Variants in MSR1 observed in about 807,000 individuals in gnomAD.
The protein encoded by MSR1 is macrophage scavenger receptor types I and II.
In MSR1, 53 loss-of-function variants were observed where a neutral mutation model predicts 47.2. The ratio of observed to expected loss-of-function variants is 1.12; its 90% CI spans 0.90 to 1.41. MSR1 has a LOEUF of 1.41. Among genes scored for constraint, MSR1 ranks in the 40% most tolerant of loss-of-function variants. The pLI, the probability that MSR1 is intolerant of heterozygous loss-of-function variation, is 0.00. For missense variants in MSR1, 786 were observed against 546.9 expected (o/e 1.44, Z -4.36); for synonymous variants, 239 against 185.6 (o/e 1.29, Z -2.34).
intron 5 of MSR1, among the ~76,000 whole-genome samples, chr8:16,160,501 C>A (rs1801131416): frequency 6.6e-6 from 1 of 151,936 alleles, no homozygotes; most frequent in South Asian, 2.1e-4. Context: ...GAAGACTTAA[C>A]CTCACAGAGC....
At chr8:16,159,296 T>G (rs1801097919) in intron 5 of MSR1, among the ~76,000 whole-genome samples, 1 of 151,932 alleles carries the variant, frequency 6.6e-6, no homozygotes, top group African/African-American at 2.4e-5. Context: ...AGAGTCATAT[T>G]ATATTTTATT....
intron 8 of MSR1, chr8:16,121,170 GTTCCTGGA>G (rs1351651294): frequency 2.3e-6 from 1 of 426,890 alleles, no homozygotes; most frequent in Non-Finnish European, 4.7e-6. Flanking sequence ...TTGTTGTGAG[GTTCCTGGA>G]TTCTGTAACA....
At chr8:16,174,133 T>C (rs1306245634) in intron 3 of MSR1, among the ~76,000 whole-genome samples, 1 of 152,178 alleles carries the variant, frequency 6.6e-6, no homozygotes, top group Non-Finnish European at 1.5e-5. Flanking sequence ...GAGAGGTTAA[T>C]TGTAAGGGTG....
chr8:16,140,957 T>C lies in MSR1; in HGVS notation c.1033+2601A>G, dbSNP rs375166105. ...GACTTGTCCAGAGGTGAAGGGCCTT[T>C]TAATGAGATGGTAGCAGAGGATGTC... On this transcript the variant is annotated intron_variant, in intron 8 of 9. Coordinates refer to ENST00000262101, the MANE Select transcript of MSR1 (RefSeq NM_138715.3). 1.3e-4 allele frequency: 203 copies of C among 1,613,756 alleles called. 1 individual carries two copies. The highest frequency in any genetic ancestry group is 1.6e-4 in the Non-Finnish European group (192 of 1,179,878).
At chr8:16,132,754 G>A (rs1563144545) in intron 8 of MSR1, among the ~76,000 whole-genome samples, 2 of 152,100 alleles carry the variant, frequency 1.3e-5, no homozygotes, top group African/African-American at 2.4e-5. Context: ...CAAAGTAGAT[G>A]CCCTATATTT....
intron 5 of MSR1, among the ~76,000 whole-genome samples, chr8:16,155,687 C>G (rs1800985767): frequency 1.3e-5 from 2 of 151,628 alleles, no homozygotes; most frequent in Admixed American, 1.3e-4. Context: ...TGGTTGAAGT[C>G]TTCATTGAGA....
intron 1 of MSR1, among the ~76,000 whole-genome samples, chr8:16,189,276 A>AATATATAAAATCTTATTTACATTTCATAT (rs1189346211): frequency 1.9e-4 from 24 of 128,008 alleles, no homozygotes; most frequent in Admixed American, 1.8e-4. Context: ...TTATATTTCA[A>AATATATAAAATCTTATTTACATTTCATAT]ATATATAAAA....
At chr8:16,154,929 C>T (rs773551279) in intron 6 of MSR1, 135 bp downstream of exon 6, 30 of 712,502 alleles carry the variant, frequency 4.2e-5, no homozygotes, top group South Asian at 2.1e-4. Flanking sequence ...CACACATGTG[C>T]GTGCATACAC....
intron 8 of MSR1, 140 bp from the exon 9 acceptor site, chr8:16,120,746 A>C: frequency 2.8e-6 from 3 of 1,084,922 alleles, no homozygotes; most frequent in Non-Finnish European, 3.9e-6. Flanking sequence ...ATTGGAATAA[A>C]TATTAAACTT....
chr8:16,160,619 G>A (rs538538864), intron 5 of MSR1, among the ~76,000 whole-genome samples: 1 of 152,136 alleles, frequency 6.6e-6, no homozygotes, highest in Admixed American at 6.6e-5. Flanking sequence ...AATCATGGTA[G>A]AGAGAGATGG....
intron 6 of MSR1, among the ~76,000 whole-genome samples, chr8:16,151,126 A>C (rs17620811): frequency 6.6e-6 from 1 of 152,034 alleles, no homozygotes; most frequent in Non-Finnish European, 1.5e-5. Flanking sequence ...GTCATTATCA[A>C]TTCAGAGAGA....
At chr8:16,167,358 A>G (rs1373179947) in intron 4 of MSR1, among the ~76,000 whole-genome samples, 1 of 152,154 alleles carries the variant, frequency 6.6e-6, no homozygotes, top group Non-Finnish European at 1.5e-5. Flanking sequence ...AGCCTGGCCA[A>G]CATGGTGCAA....
At chr8:16,156,056 C>A (rs1800997007) in intron 5 of MSR1, among the ~76,000 whole-genome samples, 1 of 151,788 alleles carries the variant, frequency 6.6e-6, no homozygotes, top group Admixed American at 6.6e-5. Context: ...GTAATCCTAC[C>A]TAAACACCAT....
rs755064235 is a variant in MSR1 at position 16,120,498 on chromosome 8, A to C, written c.1142T>G (p.Val381Gly). The C allele has an allele frequency of 1.2e-6, 2 of 1,613,612 alleles. No individual in the cohort carries two copies. Among genetic ancestry groups the C allele is most frequent in the Non-Finnish European group, 1.7e-6 (2 of 1,179,900 alleles). ...WGTICDDRWEVRVGQVVCRSL... is the reference protein window; with the variant it reads ...WGTICDDRWEGRVGQVVCRSL... ...CCTACAGACGACCTGTCCAACGCGC[A>C]CTTCCCAGCGATCGTCACAAATTGT... The change falls in exon 9 of 10, where the codon GTG (valine) becomes GGG (glycine). Residue 381 changes from valine (V) to glycine (G), a missense_variant. Transcript: ENST00000262101.
At chr8:16,175,087 G>A (rs548962338) in intron 3 of MSR1, 100 bp downstream of exon 3, 1 of 924,396 alleles carries the variant, frequency 1.1e-6, no homozygotes, top group East Asian at 2.5e-5. Context: ...TTTTCTTTAT[G>A]AATGTACCAT....
At chr8:16,115,222 T>C (rs142625932) in intron 9 of MSR1, among the ~76,000 whole-genome samples, 81 of 152,308 alleles carry the variant, frequency 5.3e-4, no homozygotes, top group Non-Finnish European at 7.9e-4. Flanking sequence ...TTGGTAATGA[T>C]GTACAATATG....
intron 6 of MSR1, among the ~76,000 whole-genome samples, chr8:16,152,088 C>G (rs1024476684): frequency 6.6e-6 from 1 of 152,134 alleles, no homozygotes; most frequent in African/African-American, 2.4e-5. Context: ...TCCTCCCCCT[C>G]TTCCTCATCC....
chr8:16,138,868 T>G (rs138562611), intron 8 of MSR1, among the ~76,000 whole-genome samples: 1 of 152,332 alleles, frequency 6.6e-6, no homozygotes, highest in East Asian at 1.9e-4. Context: ...TTTAATGTCA[T>G]GTAGGCATAA....
intron 6 of MSR1, 57 bp downstream of exon 6, chr8:16,155,007 C>A: frequency 7.1e-7 from 1 of 1,410,828 alleles, no homozygotes; most frequent in Non-Finnish European, 1.0e-6. Context: ...ACACATGTAC[C>A]TGGATGTATA....
Sources: allele counts gnomAD v4.1 joint callset (sites outside exome capture counted in the v4.1 genomes callset), GRCh38; gene constraint gnomAD v4.1.1; transcripts MANE v1.5; gene names NCBI Gene and HGNC (gene_info 2026-07-23, HGNC 2026-07-21).